The following CTNNA3 variants were observed in gnomAD, a reference collection of about 807,000 sequenced individuals.
CTNNA3 encodes the protein catenin alpha-3.
Under a neutral mutation model 95.7 loss-of-function variants are expected in CTNNA3, and 76 were observed. The ratio of observed to expected loss-of-function variants is 0.79; its 90% CI spans 0.66 to 0.96. The LOEUF (loss-of-function observed/expected upper bound fraction) is 0.96, where lower values mean the gene tolerates loss of function less well. CTNNA3 is among the 40% of genes least tolerant of loss of function. The pLI, the probability that CTNNA3 is intolerant of heterozygous loss-of-function variation, is 0.00. For missense variants in CTNNA3, 1,191 were observed against 1,089.8 expected (o/e 1.09, Z -1.31); for synonymous variants, 431 against 374.4 (o/e 1.15, Z -1.74).
intron 5 of CTNNA3, among the ~76,000 whole-genome samples, chr10:67,394,277 A>G (rs895510739): frequency 6.6e-6 from 1 of 151,822 alleles, no homozygotes; most frequent in African/African-American, 2.4e-5. Flanking sequence ...TCAATAATGG[A>G]GCATGAATAG....
intron 11 of CTNNA3, among the ~76,000 whole-genome samples, chr10:66,458,268 A>G (rs1053892903): frequency 3.3e-5 from 5 of 152,198 alleles, no homozygotes; most frequent in African/African-American, 1.2e-4. Flanking sequence ...ATCATGGCAT[A>G]CTACTCAGCT....
intron 7 of CTNNA3, among the ~76,000 whole-genome samples, chr10:66,951,225 C>A (rs1848524525): frequency 6.6e-6 from 1 of 151,884 alleles, no homozygotes; most frequent in Non-Finnish European, 1.5e-5. Flanking sequence ...AAGCGATTCT[C>A]CTGCCTCAGC....
At chr10:66,684,893 T>G (rs557282581) in intron 9 of CTNNA3, among the ~76,000 whole-genome samples, 4 of 129,134 alleles carry the variant, frequency 3.1e-5, no homozygotes, top group Admixed American at 2.9e-4. Context: ...TATGTAGGAA[T>G]AAACGTGATG....
chr10:66,652,369 A>G (rs1161660960), intron 9 of CTNNA3, among the ~76,000 whole-genome samples: 6 of 152,168 alleles, frequency 3.9e-5, no homozygotes, highest in Non-Finnish European at 7.4e-5. Context: ...ATGAATAATT[A>G]TATTTCAATA....
intron 12 of CTNNA3, among the ~76,000 whole-genome samples, chr10:66,371,906 G>A (rs1345161220): frequency 6.6e-6 from 1 of 152,098 alleles, no homozygotes; most frequent in Non-Finnish European, 1.5e-5. Context: ...GCAAAAGCAG[G>A]GATATTTTAT....
intron 17 of CTNNA3, among the ~76,000 whole-genome samples, chr10:65,948,676 G>A (rs1670139): frequency 0.13 from 19,490 of 152,126 alleles, 1,560 homozygotes; most frequent in South Asian, 0.25. Flanking sequence ...GAGGGTCAAT[G>A]AAGAAATGTC....
At chr10:67,741,068 C>G (rs1021012851) in intron 1 of CTNNA3, among the ~76,000 whole-genome samples, 13 of 150,890 alleles carry the variant, frequency 8.6e-5, no homozygotes, top group African/African-American at 3.2e-4. Flanking sequence ...AACAAAAAAA[C>G]AAACACCGCA....
At chr10:66,518,723 AAAATAT>A (rs1358984376) in intron 11 of CTNNA3, among the ~76,000 whole-genome samples, 4 of 152,088 alleles carry the variant, frequency 2.6e-5, no homozygotes, top group African/African-American at 9.7e-5. Context: ...TACACATTTG[AAAATAT>A]AAATATATAT....
At chr10:66,145,798 C>A (rs893427485) in intron 13 of CTNNA3, among the ~76,000 whole-genome samples, 5 of 152,054 alleles carry the variant, frequency 3.3e-5, no homozygotes, top group East Asian at 1.9e-4. Context: ...CATAGAGATG[C>A]AGAATCAAAA....
At chr10:67,438,776 G>A (rs78383655) in intron 5 of CTNNA3, among the ~76,000 whole-genome samples, 2,644 of 152,294 alleles carry the variant, frequency 0.017, 86 homozygotes, top group African/African-American at 0.058. Flanking sequence ...TTGCTGCCTT[G>A]AAGGAAGATT....
chr10:66,319,438 G>C (rs976346207), intron 12 of CTNNA3, among the ~76,000 whole-genome samples: 3 of 152,100 alleles, frequency 2.0e-5, no homozygotes, highest in Admixed American at 6.5e-5. Flanking sequence ...TAAGATGTAC[G>C]TAGAAGTCCT....
intron 7 of CTNNA3, among the ~76,000 whole-genome samples, chr10:66,855,243 G>A (rs1031386390): frequency 1.3e-5 from 2 of 151,838 alleles, no homozygotes; most frequent in African/African-American, 4.8e-5. Context: ...ATTATCTAGC[G>A]ATCTTTGTAA....
chr10:66,954,853 T>C (rs1301901632), intron 7 of CTNNA3, among the ~76,000 whole-genome samples: 1 of 152,130 alleles, frequency 6.6e-6, no homozygotes, highest in Non-Finnish European at 1.5e-5. Flanking sequence ...GAGAAATTAC[T>C]GGACTAGACC....
intron 11 of CTNNA3, among the ~76,000 whole-genome samples, chr10:66,487,782 G>A (rs1194953464): frequency 6.6e-6 from 1 of 152,122 alleles, no homozygotes; most frequent in Non-Finnish European, 1.5e-5. Context: ...TCACCAGTGT[G>A]TTCAAATTTA....
intron 8 of CTNNA3, among the ~76,000 whole-genome samples, chr10:66,771,888 T>C (rs938523178): frequency 2.0e-5 from 3 of 152,112 alleles, no homozygotes; most frequent in African/African-American, 7.2e-5. Context: ...AATATGCACA[T>C]GCTGTAAGTG....
At chr10:67,538,019 C>A (rs1676838140) in intron 4 of CTNNA3, among the ~76,000 whole-genome samples, 1 of 150,842 alleles carries the variant, frequency 6.6e-6, no homozygotes, top group Non-Finnish European at 1.5e-5. Flanking sequence ...ACTATCAGTT[C>A]AGTAATTTGT....
chr10:66,173,680 C>CT (rs1386669272), intron 13 of CTNNA3, among the ~76,000 whole-genome samples: 4 of 151,776 alleles, frequency 2.6e-5, no homozygotes, highest in African/African-American at 9.7e-5. Flanking sequence ...GAGACCCTAT[C>CT]TCAAAAAAAA....
intron 11 of CTNNA3, among the ~76,000 whole-genome samples, chr10:66,451,081 C>CACTTAAAG (rs2093460826): frequency 6.6e-6 from 1 of 152,110 alleles, no homozygotes; most frequent in African/African-American, 2.4e-5. Flanking sequence ...CACACACATA[C>CACTTAAAG]ACTCACATAC....
At chr10:66,552,762 C>A (rs905541760) in intron 10 of CTNNA3, among the ~76,000 whole-genome samples, 3 of 151,772 alleles carry the variant, frequency 2.0e-5, no homozygotes, top group Admixed American at 1.3e-4. Context: ...AAAAATTAAA[C>A]CTTTATCTTT....
Sources: allele counts gnomAD v4.1 joint callset (sites outside exome capture counted in the v4.1 genomes callset), GRCh38; gene constraint gnomAD v4.1.1; transcripts MANE v1.5; gene names NCBI Gene and HGNC (gene_info 2026-07-23, HGNC 2026-07-21).